YAP1: variants seen among roughly 807,000 people sequenced by gnomAD.
YAP1 encodes the protein transcriptional coactivator YAP1.
Under a neutral mutation model 56.9 loss-of-function variants are expected in YAP1, and 5 were observed. The observed-to-expected ratio is 0.09, with a 90% CI of 0.05 to 0.18. The LOEUF is 0.18. Ranked by LOEUF, YAP1 falls within the 10% of genes least tolerant of loss-of-function variation. The pLI is 1.00. For synonymous variants in YAP1, 265 were observed against 248.1 expected (o/e 1.07, Z -0.64); for missense variants, 539 against 651.8 (o/e 0.83, Z 1.88).
At chr11:102,162,777 C>T (rs754725816) in intron 3 of YAP1, among the ~76,000 whole-genome samples, 16 of 152,068 alleles carry the variant, frequency 1.1e-4, no homozygotes, top group Non-Finnish European at 2.1e-4. Flanking sequence ...ATAAGGGGGC[C>T]GATAACTGAA....
chr11:102,230,616 G>A lies in YAP1; in HGVS notation c.*676G>A, dbSNP rs1452013729. 2.0e-5 allele frequency: 3 copies of A among 152,448 alleles called. No individual in the cohort carries two copies. Among genetic ancestry groups the A allele is most frequent in the African/African-American group, 7.2e-5 (3 of 41,386 alleles). 9.4% of individuals were successfully genotyped at this position (152,448 alleles called of 1,614,324 possible). ...GCCACATACTCTAATATAGATTTTG[G>A]TGGATAATTTTGTGGGTGTGCATTT... On this transcript the variant is annotated 3_prime_UTR_variant, in exon 9 of 9. Coordinates refer to ENST00000282441, the MANE Select transcript of YAP1 (RefSeq NM_001130145.3).
intron 1 of YAP1, chr11:102,112,731 T>G: frequency 1.0e-6 from 1 of 985,408 alleles, no homozygotes. Flanking sequence ...GCCTAAACAC[T>G]TCAATTTGTC....
intron 3 of YAP1, among the ~76,000 whole-genome samples, chr11:102,177,216 G>A (rs573143188): frequency 3.9e-5 from 6 of 152,186 alleles, no homozygotes. Context: ...TGGCATGTTG[G>A]ATGCTTTCAG....
intron 3 of YAP1, among the ~76,000 whole-genome samples, chr11:102,180,681 C>CAAAAA (rs58820066): frequency 2.1e-4 from 9 of 42,544 alleles, no homozygotes; most frequent in East Asian, 1.4e-3. Context: ...GACTCCATCT[C>CAAAAA]AAAAAAAAAA....
chr11:102,151,769 TG>T (rs1945669979), intron 2 of YAP1, among the ~76,000 whole-genome samples: 2 of 152,162 alleles, frequency 1.3e-5, no homozygotes, highest in Non-Finnish European at 2.9e-5. Flanking sequence ...TGGAGAGGGT[TG>T]GGATTGTGGA....
chr11:102,224,234 C>T (rs1462932357), intron 7 of YAP1, among the ~76,000 whole-genome samples: 2 of 152,174 alleles, frequency 1.3e-5, no homozygotes, highest in Non-Finnish European at 2.9e-5. Context: ...AAGGTTGTGC[C>T]TCTTTCAAAA....
rs113671481 is a variant in YAP1, at chr11:102,111,654, C to T, written c.321+485C>T. ...CATTTGTGTGTGGGTGTGTTGCCAGCGGCGGCCGAGTTTGTGAAGTTGAGC... is the reference window on the plus strand; with the variant it reads ...CATTTGTGTGTGGGTGTGTTGCCAGTGGCGGCCGAGTTTGTGAAGTTGAGC... On this transcript the variant is annotated intron_variant, in intron 1 of 8. Coordinates refer to ENST00000282441, the MANE Select transcript of YAP1 (RefSeq NM_001130145.3). Among the ~76,000 whole-genome samples the T allele has an allele frequency of 6.6e-3, 1,005 of 152,230 alleles. 6 individuals are homozygous for T. The highest frequency in any genetic ancestry group is 0.023 in the African/African-American group (967 of 41,566).
At position 102,172,475 on chromosome 11, in the gene YAP1, CG is replaced by C. The variant is rs138482529; in HGVS notation, c.688+9905del. Reference sequence around the variant, plus strand: ...TACAGGCATACGGCACCATGCACAGCGTTTTTTTTTTTTTTTTTTTGGTAGA... The same window carrying C: ...TACAGGCATACGGCACCATGCACAGCTTTTTTTTTTTTTTTTTTTGGTAGA... On this transcript the variant is annotated intron_variant, in intron 3 of 8. Coordinates refer to ENST00000282441, the MANE Select transcript of YAP1 (RefSeq NM_001130145.3). Among the ~76,000 whole-genome samples the C allele has an allele frequency of 3.3e-3, 352 of 106,206 alleles. 50 individuals are homozygous for C. The highest frequency in any genetic ancestry group is 7.1e-3 in the African/African-American group (197 of 27,840). 69.7% of individuals were successfully genotyped at this position (106,206 alleles called of 152,430 possible).
At chr11:102,138,996 A>G (rs953443839) in intron 2 of YAP1, among the ~76,000 whole-genome samples, 4 of 152,100 alleles carry the variant, frequency 2.6e-5, no homozygotes, top group African/African-American at 9.7e-5. Context: ...ACATTCTCAG[A>G]CATTTAATTT....
At chr11:102,185,516 C>T (rs886512370) in intron 3 of YAP1, among the ~76,000 whole-genome samples, 1 of 152,094 alleles carries the variant, frequency 6.6e-6, no homozygotes, top group African/African-American at 2.4e-5. Context: ...GAGCCACTCA[C>T]ATAAAACATG....
chr11:102,167,787 G>A (rs758540602), intron 3 of YAP1, among the ~76,000 whole-genome samples: 6 of 151,978 alleles, frequency 3.9e-5, no homozygotes, highest in Non-Finnish European at 8.8e-5. Context: ...CCTATAATCC[G>A]AGCACTTTGA....
chr11:102,116,654 T>G (rs914546713), intron 2 of YAP1, among the ~76,000 whole-genome samples: 2 of 152,196 alleles, frequency 1.3e-5, no homozygotes, highest in South Asian at 2.1e-4. Flanking sequence ...GGTAGAGAGA[T>G]ATTTACCCGG....
intron 5 of YAP1, 149 bp from the exon 6 acceptor site, chr11:102,209,368 G>T: frequency 1.5e-6 from 1 of 688,426 alleles, no homozygotes; most frequent in Non-Finnish European, 2.4e-6. Context: ...TGACTCCATT[G>T]GCTCCTGTCT....
chr11:102,225,131 A>T (rs1398360120), intron 7 of YAP1, among the ~76,000 whole-genome samples: 1 of 151,330 alleles, frequency 6.6e-6, no homozygotes, highest in Admixed American at 6.6e-5. Context: ...TCTCTGCAGT[A>T]CCCCCAGTTT....
chr11:102,160,018 A>ATTTTT (rs34332940), intron 2 of YAP1, among the ~76,000 whole-genome samples: 61 of 108,978 alleles, frequency 5.6e-4, no homozygotes, highest in African/African-American at 1.6e-3. Flanking sequence ...TACATAAAGG[A>ATTTTT]TTTTTTTTTT....
At chr11:102,173,800 C>T (rs1165626515) in intron 3 of YAP1, among the ~76,000 whole-genome samples, 6 of 152,130 alleles carry the variant, frequency 3.9e-5, no homozygotes, top group Admixed American at 2.6e-4. Context: ...AAACTAAAGT[C>T]ATATGAATTT....
chr11:102,192,172 C>T (rs917712950), intron 4 of YAP1, among the ~76,000 whole-genome samples: 1 of 152,114 alleles, frequency 6.6e-6, no homozygotes, highest in African/African-American at 2.4e-5. Context: ...TCTTGATTAC[C>T]CAAAAATTTA....
intron 2 of YAP1, among the ~76,000 whole-genome samples, chr11:102,146,601 T>TC (rs1477775959): frequency 2.0e-5 from 3 of 152,214 alleles, no homozygotes; most frequent in Admixed American, 2.0e-4. Flanking sequence ...TTTGAACCCC[T>TC]CCCTTATCCC....
At chr11:102,205,839 T>G in intron 4 of YAP1, 54 bp from the exon 5 acceptor site, 3 of 1,436,496 alleles carry the variant, frequency 2.1e-6, no homozygotes, top group Non-Finnish European at 2.8e-6. Flanking sequence ...AATCATCATT[T>G]TATCTTCCTT....
Sources: allele counts gnomAD v4.1 joint callset (sites outside exome capture counted in the v4.1 genomes callset), GRCh38; gene constraint gnomAD v4.1.1; transcripts MANE v1.5; gene names NCBI Gene and HGNC (gene_info 2026-07-23, HGNC 2026-07-21).